Variants in TP53BP1 observed in about 807,000 individuals in gnomAD.
TP53BP1 encodes tumor protein p53 binding protein 1.
TP53BP1 carries 61 observed loss-of-function variants against 200.8 expected under a neutral mutation model. The observed-to-expected ratio is 0.30, with a 90% CI of 0.25 to 0.38. The LOEUF (loss-of-function observed/expected upper bound fraction) is 0.38, where lower values mean the gene tolerates loss of function less well. Among genes scored for constraint, TP53BP1 ranks in the 10% least tolerant of loss-of-function variants. TP53BP1 has a pLI of 1.00. For missense variants in TP53BP1, 2,144 were observed against 2,371.9 expected (o/e 0.90, Z 2.00); for synonymous variants, 822 against 844.3 (o/e 0.97, Z 0.46).
chr15:43,464,197 C>G (rs1289135576), intron 11 of TP53BP1, among the ~76,000 whole-genome samples: 7 of 152,096 alleles, frequency 4.6e-5, no homozygotes, highest in African/African-American at 1.7e-4. Context: ...CTGAGGAAAG[C>G]CTCTAATTTG....
chr15:43,488,967 A>G (rs191279633), intron 4 of TP53BP1, among the ~76,000 whole-genome samples: 2 of 152,302 alleles, frequency 1.3e-5, no homozygotes, highest in African/African-American at 4.8e-5. Context: ...TTCATGGCCT[A>G]TGCACACACA....
intron 17 of TP53BP1, among the ~76,000 whole-genome samples, chr15:43,428,651 CCA>C (rs1024736245): frequency 2.6e-5 from 4 of 152,074 alleles, no homozygotes; most frequent in African/African-American, 4.8e-5. Flanking sequence ...AAAGTGAAAA[CCA>C]CAGTTTATTA....
At chr15:43,410,821 G>C (rs911806384) in intron 24 of TP53BP1, among the ~76,000 whole-genome samples, 1 of 151,376 alleles carries the variant, frequency 6.6e-6, no homozygotes, top group Non-Finnish European at 1.5e-5. Context: ...CCAGGTCAGG[G>C]GTCTCCATCT....
At chr15:43,454,082 G>C (rs1320747724) in intron 12 of TP53BP1, among the ~76,000 whole-genome samples, 1 of 151,592 alleles carries the variant, frequency 6.6e-6, no homozygotes, top group African/African-American at 2.4e-5. Context: ...GCATGCACCT[G>C]TAGTCCCAGC....
chr15:43,477,887 T>C, intron 7 of TP53BP1, 128 bp from the exon 8 acceptor site: 3 of 659,954 alleles, frequency 4.5e-6, no homozygotes, highest in Non-Finnish European at 7.2e-6. Context: ...TTTACATAAT[T>C]ATATATTAAA....
intron 15 of TP53BP1, 67 bp downstream of exon 15, chr15:43,441,459 A>T: frequency 1.9e-6 from 2 of 1,050,882 alleles, no homozygotes; most frequent in Admixed American, 1.8e-5. Context: ...TCCTTTGTTG[A>T]TAAACCATCT....
In TP53BP1 at chr15:43,406,789, G is replaced by A; in HGVS notation, c.*594C>T. 1 of 353,264 alleles carries A rather than the reference G, an allele frequency of 2.8e-6. No homozygotes were observed. 21.9% of individuals were successfully genotyped at this position (353,264 alleles called of 1,614,324 possible). A position where few individuals can be genotyped will look rare whatever the true frequency, so the allele number is the denominator to read the frequency against. ...TGCTTCCCATGTTTATCTTACGGAA[G>A]GTCATTCCATCAAGCTTATGGTCAC... On this transcript the variant is annotated 3_prime_UTR_variant, in exon 28 of 28. Coordinates refer to ENST00000382044, the MANE Select transcript of TP53BP1 (RefSeq NM_001141980.3).
At chr15:43,503,179 G>A (rs1236721228) in intron 1 of TP53BP1, among the ~76,000 whole-genome samples, 1 of 152,262 alleles carries the variant, frequency 6.6e-6, no homozygotes, top group Non-Finnish European at 1.5e-5. Flanking sequence ...GCGCGGGTGT[G>A]TGTAGCTATG....
intron 21 of TP53BP1, among the ~76,000 whole-genome samples, chr15:43,420,078 G>A (rs866232973): frequency 2.0e-5 from 3 of 152,146 alleles, no homozygotes; most frequent in African/African-American, 4.8e-5. Flanking sequence ...TTTGTACTTC[G>A]CAAATTTTCT....
intron 14 of TP53BP1, among the ~76,000 whole-genome samples, 178 bp from the exon 15 acceptor site, chr15:43,441,761 T>C (rs976443588): frequency 5.3e-5 from 8 of 152,242 alleles, no homozygotes; most frequent in African/African-American, 1.9e-4. Context: ...TTTATTTATT[T>C]CTTTATTTTG....
chr15:43,419,221 CA>C (rs1027841589), intron 21 of TP53BP1, among the ~76,000 whole-genome samples: 2 of 151,650 alleles, frequency 1.3e-5, no homozygotes, highest in African/African-American at 4.8e-5. Flanking sequence ...GAGACTGTTT[CA>C]AAAAAAAGTG....
At chr15:43,476,953 G>A (rs1238048663) in intron 8 of TP53BP1, among the ~76,000 whole-genome samples, 1 of 152,168 alleles carries the variant, frequency 6.6e-6, no homozygotes, top group Non-Finnish European at 1.5e-5. Flanking sequence ...AGATGAATAT[G>A]AAAAACCTAG....
rs749361637 is a variant in TP53BP1, at chr15:43,457,202, G to A, written c.1406C>T (p.Ser469Phe). 21 of 1,608,078 alleles carry A rather than the reference G, an allele frequency of 1.3e-5. No individual in the cohort carries two copies. The South Asian group carries it at 2.2e-4, about 17-fold the overall frequency. ...ATTTGATTGTTCTTCCAGACTTGGG[G>A]AAGGAATAAAAATGTCCTAAGGAAG... is the stretch of plus-strand genomic sequence containing the variant. ...PQFSHDIFIPSPSLEEQSNDG... is the reference protein window; with the variant it reads ...PQFSHDIFIPFPSLEEQSNDG... Residue 469 changes from serine (S) to phenylalanine (F), a missense_variant, in exon 12 of 28, where the codon TCC becomes TTC. This residue lies in a region of TP53BP1 where 1,700 missense variants were observed against 1,710.3 expected (regional missense o/e 0.99). Coordinates refer to ENST00000382044, the MANE Select transcript of TP53BP1 (RefSeq NM_001141980.3).
intron 17 of TP53BP1, 49 bp from the exon 18 acceptor site, chr15:43,428,217 CA>C: frequency 1.3e-6 from 2 of 1,516,232 alleles, no homozygotes; most frequent in Non-Finnish European, 1.8e-6. Flanking sequence ...TGCAAGCTGT[CA>C]AAATCACAAA....
intron 4 of TP53BP1, among the ~76,000 whole-genome samples, chr15:43,489,558 C>CA (rs1390513369): frequency 3.3e-5 from 5 of 152,228 alleles, no homozygotes; most frequent in Non-Finnish European, 5.9e-5. Context: ...CACCTGGCCT[C>CA]AGTGTCCAAG....
At chr15:43,418,952 G>A (rs141495299) in intron 21 of TP53BP1, among the ~76,000 whole-genome samples, 14 of 152,326 alleles carry the variant, frequency 9.2e-5, no homozygotes, top group African/African-American at 3.4e-4. Flanking sequence ...TCTTGCAGTG[G>A]CTCACGCCTG....
At chr15:43,423,125 T>G (rs1418413172) in intron 18 of TP53BP1, among the ~76,000 whole-genome samples, 1 of 140,008 alleles carries the variant, frequency 7.1e-6, no homozygotes, top group Admixed American at 7.2e-5. Flanking sequence ...TTTGATAAAT[T>G]GGTAGTAGCT....
At chr15:43,425,938 A>T (rs2045519049) in intron 18 of TP53BP1, among the ~76,000 whole-genome samples, 1 of 151,242 alleles carries the variant, frequency 6.6e-6, no homozygotes, top group African/African-American at 2.4e-5. Flanking sequence ...GGTGGCGGGC[A>T]CCTGTAGTCC....
chr15:43,510,168 G>A (rs1472598619), intron 1 of TP53BP1, among the ~76,000 whole-genome samples: 1 of 123,396 alleles, frequency 8.1e-6, no homozygotes, highest in African/African-American at 3.0e-5. Context: ...AAGAACTCCC[G>A]GGGGGTGGGA....
Sources: gnomAD v4.1 joint callset for allele counts (sites outside exome capture counted in the v4.1 genomes callset) on GRCh38, gnomAD v4.1.1 for gene constraint, gnomAD v4.1.1 regional missense constraint, MANE v1.5 for transcripts, NCBI Gene and HGNC (gene_info 2026-07-23, HGNC 2026-07-21) for gene names.